Variants in ADAM10 observed in about 807,000 individuals in gnomAD.
ADAM10 encodes the protein ADAM metallopeptidase domain 10.
Under a neutral mutation model 90.1 loss-of-function variants are expected in ADAM10, and 17 were observed. The observed-to-expected ratio is 0.19, with a 90% confidence interval of 0.13 to 0.28. The LOEUF (loss-of-function observed/expected upper bound fraction) is 0.28. Ranked by LOEUF, ADAM10 falls within the 10% of genes least tolerant of loss-of-function variation. ADAM10 has a pLI of 1.00. For missense variants in ADAM10, 610 were observed against 914.3 expected (o/e 0.67, Z 4.29); for synonymous variants, 310 against 298.6 (o/e 1.04, Z -0.40).
At chr15:58,704,567 A>T (rs1368630829) in intron 2 of ADAM10, among the ~76,000 whole-genome samples, 1 of 152,208 alleles carries the variant, frequency 6.6e-6, no homozygotes, top group African/African-American at 2.4e-5. Context: ...ATAAAAATAA[A>T]TTTTTAAAAA....
intron 4 of ADAM10, among the ~76,000 whole-genome samples, chr15:58,670,526 T>G (rs1307820616): frequency 2.0e-5 from 3 of 152,090 alleles, no homozygotes; most frequent in Non-Finnish European, 4.4e-5. Flanking sequence ...AATAATACAT[T>G]TATCAAGGAA....
chr15:58,640,130 T>C (rs754317211), intron 8 of ADAM10, among the ~76,000 whole-genome samples: 5 of 152,320 alleles, frequency 3.3e-5, no homozygotes, highest in Admixed American at 6.5e-5. Context: ...GGGAAGGGTA[T>C]TGTCCCATCC....
At chr15:58,733,882 AAT>A (rs1333374913) in intron 1 of ADAM10, among the ~76,000 whole-genome samples, 1 of 149,730 alleles carries the variant, frequency 6.7e-6, no homozygotes, top group Non-Finnish European at 1.5e-5. Flanking sequence ...ACTTTAATAG[AAT>A]ATCTTTAGTT....
intron 8 of ADAM10, among the ~76,000 whole-genome samples, chr15:58,635,657 AC>A (rs1596013883): frequency 1.3e-5 from 2 of 152,182 alleles, no homozygotes; most frequent in African/African-American, 4.8e-5. Flanking sequence ...TATTGTACAC[AC>A]AGCATAGTTT....
At chr15:58,604,028 C>T (rs1393947431) in intron 14 of ADAM10, among the ~76,000 whole-genome samples, 1 of 152,054 alleles carries the variant, frequency 6.6e-6, no homozygotes, top group Non-Finnish European at 1.5e-5. Flanking sequence ...GCTCTGTCCC[C>T]ATAAAATATT....
At chr15:58,724,544 C>A (rs574273366) in intron 1 of ADAM10, among the ~76,000 whole-genome samples, 1 of 152,186 alleles carries the variant, frequency 6.6e-6, no homozygotes, top group South Asian at 2.1e-4. Context: ...GAGAAGAAAC[C>A]AAGAGCCTGA....
chr15:58,646,158 T>G lies in ADAM10; in HGVS notation c.632A>C (p.Lys211Thr), dbSNP rs201482030. 1.2e-6 allele frequency: 2 copies of G among 1,613,554 alleles called. No homozygotes were observed. The highest frequency in any genetic ancestry group is 1.7e-5 in the Admixed American group (1 of 59,992). ...TTTTTCAGCTGAAGTTGTACGTTTTTTCCTCAGAAGTTCTGGACCATTAGC... is the reference window on the plus strand; with the variant it reads ...TTTTTCAGCTGAAGTTGTACGTTTTGTCCTCAGAAGTTCTGGACCATTAGC... ...HAANGPELLR[K>T]KRTTSAEKNT... Residue 211 changes from lysine to threonine, a missense_variant, in exon 6 of 16, where the codon AAA (lysine) becomes ACA (threonine). Lys to Thr is a moderately conservative substitution (Grantham distance 78). Coordinates refer to ENST00000260408, the MANE Select transcript of ADAM10 (RefSeq NM_001110.4).
At chr15:58,638,531 C>T (rs1270597394) in intron 8 of ADAM10, among the ~76,000 whole-genome samples, 4 of 146,472 alleles carry the variant, frequency 2.7e-5, no homozygotes, top group African/African-American at 1.0e-4. Flanking sequence ...AGGAGAATGG[C>T]GTGAACCCGG....
At chr15:58,720,938 A>G (rs1330941307) in intron 1 of ADAM10, among the ~76,000 whole-genome samples, 1 of 152,258 alleles carries the variant, frequency 6.6e-6, no homozygotes, top group Non-Finnish European at 1.5e-5. Context: ...TTGGCTTTGC[A>G]GAACTGTGGA....
At chr15:58,603,966 A>G (rs1468656396) in intron 14 of ADAM10, among the ~76,000 whole-genome samples, 3 of 152,132 alleles carry the variant, frequency 2.0e-5, no homozygotes, top group Non-Finnish European at 4.4e-5. Context: ...CAAAAGAAAA[A>G]AAGTAGAAAA....
At chr15:58,676,964 C>T (rs1465191454) in intron 4 of ADAM10, among the ~76,000 whole-genome samples, 1 of 152,198 alleles carries the variant, frequency 6.6e-6, no homozygotes, top group East Asian at 1.9e-4. Flanking sequence ...AAAATATTTA[C>T]TCTCTGTCCC....
Position 58,694,399 on chromosome 15 carries a change from C to G in ADAM10, c.207-12085G>C, listed in dbSNP as rs563807533. 5.3e-5 allele frequency among the ~76,000 whole-genome samples: 8 copies of G among 151,976 alleles called. No individual in the cohort carries two copies. In the East Asian group the frequency reaches 5.8e-4, roughly 11 times the overall value. On this transcript the variant is annotated intron_variant, in intron 2 of 15. Coordinates refer to ENST00000260408, the MANE Select transcript of ADAM10 (RefSeq NM_001110.4). ...CCAGGAGGAGGAGGTTGCAGTGAGC[C>G]GAGATCACGACACTGCACTCCAGCC...
intron 14 of ADAM10, among the ~76,000 whole-genome samples, chr15:58,605,353 A>G (rs1349409456): frequency 6.6e-6 from 1 of 152,216 alleles, no homozygotes. Flanking sequence ...GTGTGGGGAA[A>G]TGGAACATGG....
intron 10 of ADAM10, among the ~76,000 whole-genome samples, chr15:58,623,742 T>C (rs148578818): frequency 0.05 from 7,589 of 151,914 alleles, 645 homozygotes; most frequent in African/African-American, 0.17. Context: ...ATGTTCTCAC[T>C]CATAAGTGGG....
rs111492683 is a variant in ADAM10, at chr15:58,637,938, TA to T, written c.1012+2838del. The stretch of plus-strand genomic sequence containing the variant: ...AATAAATATATAACATTCCTTGTTT[TA>T]AAAAAAAAAATGTCAAATATGAAAC... On this transcript the variant is annotated intron_variant, in intron 8 of 15. Coordinates refer to ENST00000260408, the MANE Select transcript of ADAM10 (RefSeq NM_001110.4). Among the ~76,000 whole-genome samples the T allele has an allele frequency of 1.2e-3, 180 of 148,216 alleles. 1 individual carries two copies. The highest frequency in any genetic ancestry group is 2.3e-3 in the South Asian group (11 of 4,716).
chr15:58,713,721 C>CT (rs2140810106), intron 2 of ADAM10, among the ~76,000 whole-genome samples: 1 of 152,216 alleles, frequency 6.6e-6, no homozygotes, highest in South Asian at 2.1e-4. Context: ...GAGTTGTTTC[C>CT]TTAACGACTA....
chr15:58,650,543 G>A (rs922433227), intron 5 of ADAM10, among the ~76,000 whole-genome samples: 3 of 152,082 alleles, frequency 2.0e-5, no homozygotes, highest in Non-Finnish European at 2.9e-5. Flanking sequence ...TTCATCCTCA[G>A]CCTCATGTGT....
intron 6 of ADAM10, among the ~76,000 whole-genome samples, chr15:58,644,214 G>GT (rs1313402022): frequency 1.2e-3 from 172 of 144,448 alleles, no homozygotes; most frequent in East Asian, 2.4e-3. Flanking sequence ...CTTCTTTGCG[G>GT]TTTTTTTTTT....
chr15:58,617,132 A>T (rs1232084953), intron 11 of ADAM10, among the ~76,000 whole-genome samples: 1 of 151,996 alleles, frequency 6.6e-6, no homozygotes, highest in Admixed American at 6.5e-5. Context: ...ATAAAAAAAT[A>T]AAATAAAAAT....
Sources: allele counts gnomAD v4.1 joint callset (sites outside exome capture counted in the v4.1 genomes callset), GRCh38; gene constraint gnomAD v4.1.1; transcripts MANE v1.5; gene names NCBI Gene and HGNC (gene_info 2026-07-23, HGNC 2026-07-21).